Variants in SORCS2 observed in about 807,000 individuals in gnomAD.
SORCS2 encodes VPS10 domain-containing receptor SorCS2.
SORCS2 carries 100 observed loss-of-function variants against 141.6 expected under a neutral mutation model. The ratio of observed to expected loss-of-function variants is 0.71; its 90% CI spans 0.60 to 0.83. The LOEUF (loss-of-function observed/expected upper bound fraction) is 0.83, where lower values mean the gene tolerates loss of function less well. Ranked by LOEUF, SORCS2 falls within the 40% of genes least tolerant of loss-of-function variation. The probability of loss-of-function intolerance (pLI) is 0.00; values close to 1 mark genes in which losing one functional copy is unlikely to be tolerated. For missense variants in SORCS2, 1,646 were observed against 1,560.2 expected (o/e 1.05, Z -0.93); for synonymous variants, 789 against 676.9 (o/e 1.17, Z -2.57).
At chr4:7,731,738 G>A (rs953852937) in intron 23 of SORCS2, among the ~76,000 whole-genome samples, 1 of 152,304 alleles carries the variant, frequency 6.6e-6, no homozygotes, top group Non-Finnish European at 1.5e-5. Context: ...CATAAATATT[G>A]TTGGGAAACT....
chr4:7,205,786 G>C (rs2108871058), intron 1 of SORCS2, among the ~76,000 whole-genome samples: 1 of 152,300 alleles, frequency 6.6e-6, no homozygotes, highest in East Asian at 1.9e-4. Flanking sequence ...CTCACGCCCG[G>C]AATCCCAGCA....
intron 26 of SORCS2, 21 bp downstream of exon 26, chr4:7,737,193 G>A: frequency 6.4e-7 from 1 of 1,550,632 alleles, no homozygotes; most frequent in East Asian, 2.4e-5. Context: ...TATAGATGAT[G>A]ATCTCGACTC....
intron 1 of SORCS2, among the ~76,000 whole-genome samples, chr4:7,307,910 G>C (rs1221955616): frequency 6.6e-6 from 1 of 151,958 alleles, no homozygotes; most frequent in East Asian, 1.9e-4. Flanking sequence ...CTGTGCATGA[G>C]TGTGTGTGCA....
intron 1 of SORCS2, among the ~76,000 whole-genome samples, chr4:7,315,691 C>T (rs1452260638): frequency 6.6e-6 from 1 of 152,240 alleles, no homozygotes; most frequent in Non-Finnish European, 1.5e-5. Context: ...TCACCTCTTC[C>T]ATGAAGCCTT....
chr4:7,249,212 A>G (rs1286912325), intron 1 of SORCS2, among the ~76,000 whole-genome samples: 1 of 152,170 alleles, frequency 6.6e-6, no homozygotes, highest in Admixed American at 6.5e-5. Context: ...CTGGGTGTCC[A>G]AGCTGGTTTC....
chr4:7,587,621 G>A (rs1011063611), intron 3 of SORCS2, among the ~76,000 whole-genome samples: 2 of 152,280 alleles, frequency 1.3e-5, no homozygotes, highest in East Asian at 1.9e-4. Context: ...ACCTGGAGTC[G>A]CCTCTCTAGT....
At chr4:7,469,924 T>C (rs1729866105) in intron 2 of SORCS2, among the ~76,000 whole-genome samples, 1 of 152,120 alleles carries the variant, frequency 6.6e-6, no homozygotes, top group South Asian at 2.1e-4. Context: ...AAGACAATTG[T>C]TATCAAACAA....
At chr4:7,323,124 C>T (rs4689703) in intron 1 of SORCS2, among the ~76,000 whole-genome samples, 116,743 of 152,198 alleles carry the variant, frequency 0.77, 45,313 homozygotes, top group African/African-American at 0.89. Context: ...TATTAATAAC[C>T]GCCAGTTTTG....
At chr4:7,525,623 G>A (rs1478291011) in intron 2 of SORCS2, among the ~76,000 whole-genome samples, 1 of 151,770 alleles carries the variant, frequency 6.6e-6, no homozygotes, top group Non-Finnish European at 1.5e-5. Flanking sequence ...CCACTTCCTG[G>A]GCCTACATCC....
At chr4:7,714,615 T>C (rs1329375136) in intron 16 of SORCS2, among the ~76,000 whole-genome samples, 3 of 152,222 alleles carry the variant, frequency 2.0e-5, no homozygotes, top group Non-Finnish European at 4.4e-5. Flanking sequence ...TCTCAGTGGC[T>C]GCTCACAGGC....
At chr4:7,538,544 C>T (rs1313368543) in intron 3 of SORCS2, among the ~76,000 whole-genome samples, 1 of 152,038 alleles carries the variant, frequency 6.6e-6, no homozygotes, top group African/African-American at 2.4e-5. Context: ...TGTGAATGGG[C>T]ATCTTACTCC....
chr4:7,333,877 A>G (rs959078487), intron 1 of SORCS2, among the ~76,000 whole-genome samples: 2 of 152,298 alleles, frequency 1.3e-5, no homozygotes, highest in African/African-American at 4.8e-5. Flanking sequence ...TGGAACTCAC[A>G]GTGGGAGCTG....
At chr4:7,686,443 G>C (rs369814496) in intron 10 of SORCS2, among the ~76,000 whole-genome samples, 2 of 152,150 alleles carry the variant, frequency 1.3e-5, no homozygotes, top group Non-Finnish European at 2.9e-5. Flanking sequence ...TGTGCCAAAC[G>C]GACAGAGAAG....
At chr4:7,561,684 C>T (rs56345748) in intron 3 of SORCS2, among the ~76,000 whole-genome samples, 86,526 of 151,692 alleles carry the variant, frequency 0.57, 27,247 homozygotes, top group East Asian at 0.9. Flanking sequence ...ATCCACCTAC[C>T]CATCCATTTA....
At chr4:7,292,187 T>C (rs997090628) in intron 1 of SORCS2, among the ~76,000 whole-genome samples, 4 of 151,230 alleles carry the variant, frequency 2.6e-5, no homozygotes, top group African/African-American at 9.7e-5. Flanking sequence ...CCCCCCACCA[T>C]TGACAGTCTG....
At chr4:7,728,294 C>A in intron 21 of SORCS2, 56 bp from the exon 22 acceptor site, 2 of 1,352,108 alleles carry the variant, frequency 1.5e-6, no homozygotes, top group Non-Finnish European at 1.0e-6. Flanking sequence ...CACCCTGGAG[C>A]CGTCAGAGCC....
intron 3 of SORCS2, among the ~76,000 whole-genome samples, chr4:7,542,050 C>G (rs994393565): frequency 2.6e-5 from 4 of 152,146 alleles, no homozygotes; most frequent in African/African-American, 9.7e-5. Flanking sequence ...AGGCAATTGC[C>G]CAGCAGAGCT....
At chr4:7,708,112 G>A (rs1221779614) in intron 14 of SORCS2, among the ~76,000 whole-genome samples, 3 of 152,212 alleles carry the variant, frequency 2.0e-5, no homozygotes, top group East Asian at 3.8e-4. Flanking sequence ...AGAGACCTGG[G>A]CTTCCTTGTC....
intron 3 of SORCS2, among the ~76,000 whole-genome samples, chr4:7,620,418 C>A (rs1051718235): frequency 6.6e-6 from 1 of 152,234 alleles, no homozygotes; most frequent in Non-Finnish European, 1.5e-5. Flanking sequence ...GAGTCCCACC[C>A]TGGGGATACA....
Sources: allele counts gnomAD v4.1 joint callset (sites outside exome capture counted in the v4.1 genomes callset), GRCh38; gene constraint gnomAD v4.1.1; transcripts MANE v1.5; gene names NCBI Gene and HGNC (gene_info 2026-07-23, HGNC 2026-07-21).